The following TTBK1 variants were observed in gnomAD, a reference collection of about 807,000 sequenced individuals.
TTBK1 encodes tau tubulin kinase 1, also known as tau-tubulin kinase 1.
Under a neutral mutation model 108.5 loss-of-function variants are expected in TTBK1, and 34 were observed. The ratio of observed to expected loss-of-function variants is 0.31; its 90% CI spans 0.24 to 0.42. The LOEUF (loss-of-function observed/expected upper bound fraction) is 0.42. TTBK1 is among the 10% of genes least tolerant of loss of function. The pLI is 1.00. For missense variants in TTBK1, 1,539 were observed against 1,826.0 expected (o/e 0.84, Z 2.86); for synonymous variants, 809 against 795.1 (o/e 1.02, Z -0.29).
In TTBK1 at chr6:43,282,997, GAGGAGGAA is replaced by G; in HGVS notation, c.2258_2265del (p.Glu753GlyfsTer31). On this transcript the variant is annotated frameshift_variant, in exon 14 of 15. Coordinates refer to ENST00000259750, the MANE Select transcript of TTBK1 (RefSeq NM_032538.3). LOFTEE classifies it high-confidence loss of function. The surrounding 1 kb of genome is among the most constrained non-coding windows in gnomAD (Gnocchi z 5.4). Reference sequence around the variant, plus strand: ...GGAAGAAGAGGATGAGGAAGAAGAAGAGGAGGAAGAGGAAGAGGAGGAGGAAGAAGAGG... The same window carrying G: ...GGAAGAAGAGGATGAGGAAGAAGAAGGAGGAAGAGGAGGAGGAAGAAGAGG... 2 of 1,600,124 alleles carry G rather than the reference GAGGAGGAA, an allele frequency of 1.2e-6. No individual in the cohort carries two copies. The highest frequency in any genetic ancestry group is 1.1e-5 in the South Asian group (1 of 89,722).
chr6:43,280,760 G>C (rs542124051), intron 13 of TTBK1, among the ~76,000 whole-genome samples: 165 of 152,284 alleles, frequency 1.1e-3, no homozygotes, highest in African/African-American at 3.9e-3. Context: ...AAGTAAATCT[G>C]CTTGGTGGGT....
In TTBK1 at chr6:43,283,214, G is replaced by C. The variant is rs1255791285; in HGVS notation, c.2474G>C (p.Gly825Ala). Residue 825 changes from glycine (G) to alanine (A), a missense_variant, in exon 14 of 15, where the codon GGG (glycine) becomes GCG (alanine). Gly to Ala is a moderately conservative substitution (Grantham distance 60). Around this residue, in one of 5 missense-constraint regions of TTBK1, gnomAD observed 1,055 missense variants for 1,086.5 expected, o/e 0.97. Coordinates refer to ENST00000259750, the MANE Select transcript of TTBK1 (RefSeq NM_032538.3). This position sits in a 1 kb window ranked among gnomAD's most constrained non-coding sequence, Gnocchi z 8.1. ...AGGGGCCGGGCCTCCATGGCCGATG[G>C]GGACCTGGAGCCTGAGGAGGGCTCC... Reference protein sequence around the residue: ...ESRGRASMADGDLEPEEGSKT... With the variant: ...ESRGRASMADADLEPEEGSKT... 6.4e-7 allele frequency: 1 copy of C among 1,551,898 alleles called. No individual in the cohort carries two copies. Among genetic ancestry groups the C allele is most frequent in the Admixed American group, 2.0e-5 (1 of 51,156 alleles).
intron 2 of TTBK1, among the ~76,000 whole-genome samples, chr6:43,252,415 C>T (rs1236710681): frequency 6.6e-6 from 1 of 152,010 alleles, no homozygotes; most frequent in East Asian, 1.9e-4. Context: ...CACCTGAGGT[C>T]AGGAGTTTGA....
rs981837451 is a variant in TTBK1 at position 43,283,161 on chromosome 6, G to A, written c.2421G>A (p.Thr807=). The change falls in exon 14 of 15, where the codon ACG becomes ACA. Residue 807 remains threonine (T), a synonymous_variant. Coordinates refer to ENST00000259750, the MANE Select transcript of TTBK1 (RefSeq NM_032538.3). This position sits in a 1 kb window ranked among gnomAD's most constrained non-coding sequence, Gnocchi z 8.1. ...GGAGCCAGGAGGGTGCCCCGTCCAC[G>A]CTGCTGGCAGACGATCAGAAGGAGT... ...TDRSQEGAPS[T]LLADDQKESR... 14 of 1,560,942 alleles carry A rather than the reference G, an allele frequency of 9.0e-6. No homozygotes were observed. Among genetic ancestry groups the A allele is most frequent in the East Asian group, 4.8e-5 (2 of 41,970 alleles).
intron 13 of TTBK1, among the ~76,000 whole-genome samples, chr6:43,279,783 T>C (rs1192841434): frequency 6.6e-6 from 1 of 151,970 alleles, no homozygotes; most frequent in Non-Finnish European, 1.5e-5. Context: ...GTTGTTGTTG[T>C]GTTTTTTGAG....
rs185236118 is a variant in TTBK1 at position 43,246,643 on chromosome 6, C to G, written c.-18C>G. ...CCTCAGGGCAGGCCCGGCGGACACCCCTCCCTCTGGCTGGCGGATGCAGTG... is the reference window on the plus strand; with the variant it reads ...CCTCAGGGCAGGCCCGGCGGACACCGCTCCCTCTGGCTGGCGGATGCAGTG... On this transcript the variant is annotated 5_prime_UTR_variant, in exon 2 of 15. Transcript: ENST00000259750. 4.1e-4 allele frequency: 651 copies of G among 1,584,986 alleles called. 1 individual carries two copies. Among genetic ancestry groups the G allele is most frequent in the Admixed American group, 2.6e-3 (150 of 57,910 alleles).
chr6:43,249,427 A>G (rs1777181143), intron 2 of TTBK1, among the ~76,000 whole-genome samples: 1 of 152,130 alleles, frequency 6.6e-6, no homozygotes, highest in Non-Finnish European at 1.5e-5. Flanking sequence ...GCAGGGCCAC[A>G]TTGTGACTTT....
At chr6:43,264,239 C>T (rs1338558058) in intron 13 of TTBK1, among the ~76,000 whole-genome samples, 1 of 151,796 alleles carries the variant, frequency 6.6e-6, no homozygotes, top group African/African-American at 2.4e-5. Context: ...AAAAATTAGC[C>T]GGGTGTGGTG....
At chr6:43,254,518 C>T in intron 5 of TTBK1, 29 bp from the exon 6 acceptor site, 1 of 1,524,722 alleles carries the variant, frequency 6.6e-7, no homozygotes, top group Non-Finnish European at 8.8e-7. Flanking sequence ...GTTGGGGCCC[C>T]CAGAGCTCAC....
intron 2 of TTBK1, among the ~76,000 whole-genome samples, chr6:43,250,081 G>A (rs2150682576): frequency 6.6e-6 from 1 of 151,812 alleles, no homozygotes; most frequent in South Asian, 2.1e-4. Flanking sequence ...AAGAAGGGGT[G>A]TAAAGAAGGA....
At chr6:43,247,877 G>A (rs569733862) in intron 2 of TTBK1, 1 of 152,282 alleles carries the variant, frequency 6.6e-6, no homozygotes, top group Non-Finnish European at 1.5e-5. Context: ...GGATGAAGAG[G>A]AGGAGACTTC....
rs1562089155 is a variant in TTBK1, at chr6:43,262,781, C to T, written c.1425-8C>T. ...AGGTATTGAGCCCCGTGAGGGGTGG[C>T]TTTGCAGGTCACGGATGGATCTGCC... On this transcript the variant is annotated splice_region_variant and splice_polypyrimidine_tract_variant and intron_variant, in intron 12 of 14. Coordinates refer to ENST00000259750, the MANE Select transcript of TTBK1 (RefSeq NM_032538.3). The T allele has an allele frequency of 6.5e-7, 1 of 1,545,654 alleles. No homozygotes were observed. The highest frequency in any genetic ancestry group is 8.8e-7 in the Non-Finnish European group (1 of 1,142,228).
intron 5 of TTBK1, 41 bp from the exon 6 acceptor site, chr6:43,254,506 G>A (rs2150686934): frequency 6.8e-7 from 1 of 1,465,830 alleles, no homozygotes. Context: ...GGCCCAGCTG[G>A]GGTTGGGGCC....
At chr6:43,246,844 G>T in intron 2 of TTBK1, 76 bp downstream of exon 2, 1 of 1,204,608 alleles carries the variant, frequency 8.3e-7, no homozygotes, top group Non-Finnish European at 1.2e-6. Flanking sequence ...GTTAAAACCG[G>T]TGCCCTCCGC....
At chr6:43,278,774 C>T (rs1010688365) in intron 13 of TTBK1, among the ~76,000 whole-genome samples, 4 of 152,158 alleles carry the variant, frequency 2.6e-5, no homozygotes, top group Non-Finnish European at 4.4e-5. Context: ...GGCAGGGAGA[C>T]GGTTAGGCTA....
rs753189687 is a variant in TTBK1 at position 43,254,634 on chromosome 6, A to C, written c.559A>C (p.Thr187Pro). 1.3e-6 allele frequency: 2 copies of C among 1,583,634 alleles called. No homozygotes were observed. Among genetic ancestry groups the C allele is most frequent in the African/African-American group, 2.7e-5 (2 of 73,796 alleles). The change falls in exon 6 of 15, where the codon ACG becomes CCG. Residue 187 changes from threonine to proline, a missense_variant. Around this residue, in one of 5 missense-constraint regions of TTBK1, gnomAD observed 155 missense variants for 348.5 expected, o/e 0.44. Transcript: ENST00000259750. ...FGLARQYTNT[T>P]GDVRPPRNVA... is the part of the protein sequence containing the mutation. ...GCTGGCCCGGCAGTACACCAACACC[A>C]CGGGGGATGTGCGGCCCGTGAGTAC...
rs1041608470 is a variant in TTBK1, at chr6:43,259,966, C to T, written c.1424+260C>T. Among the ~76,000 whole-genome samples the T allele has an allele frequency of 2.6e-5, 4 of 152,060 alleles. No homozygotes were observed. The highest frequency in any genetic ancestry group is 4.8e-5 in the African/African-American group (2 of 41,400). ...CAGGCTGCAGGAGGGACAGGTGGGG[C>T]GCCTGGGCCCAGGAAGGGTGAGGGG... On this transcript the variant is annotated intron_variant, in intron 12 of 14. Coordinates refer to ENST00000259750, the MANE Select transcript of TTBK1 (RefSeq NM_032538.3). This position sits in a 1 kb window ranked among gnomAD's most constrained non-coding sequence, Gnocchi z 6.7.
At position 43,283,984 on chromosome 6, in the gene TTBK1, C is replaced by A; in HGVS notation, c.3244C>A (p.Arg1082=). 6.2e-7 allele frequency: 1 copy of A among 1,606,574 alleles called. No homozygotes were observed. The highest frequency in any genetic ancestry group is 1.1e-5 in the South Asian group (1 of 90,310). The part of the protein sequence containing the change: ...SLSAKERWSK[R]ARPQQDLARL... Reference sequence around the variant, plus strand: ...GTCGGCCAAAGAGCGGTGGAGCAAGCGGGCTCGGCCGCAGCAGGACCTGGC... The same window carrying A: ...GTCGGCCAAAGAGCGGTGGAGCAAGAGGGCTCGGCCGCAGCAGGACCTGGC... The change falls in exon 14 of 15, where the codon CGG becomes AGG. Residue 1082 remains arginine, a synonymous_variant. Coordinates refer to ENST00000259750, the MANE Select transcript of TTBK1 (RefSeq NM_032538.3). This position sits in a 1 kb window ranked among gnomAD's most constrained non-coding sequence, Gnocchi z 8.1.
intron 13 of TTBK1, among the ~76,000 whole-genome samples, chr6:43,275,882 G>A (rs892622948): frequency 1.3e-5 from 2 of 152,096 alleles, no homozygotes; most frequent in Non-Finnish European, 2.9e-5. Flanking sequence ...CGCTCGGAGG[G>A]GCTTCCGTGG....
Sources: gnomAD v4.1 joint callset for allele counts (sites outside exome capture counted in the v4.1 genomes callset) on GRCh38, gnomAD v4.1.1 for gene constraint, gnomAD v4.1.1 regional missense constraint, Gnocchi (gnomAD v3.1) non-coding constraint, MANE v1.5 for transcripts, NCBI Gene and HGNC (gene_info 2026-07-23, HGNC 2026-07-21) for gene names.